PBX1: variants seen among roughly 807,000 people sequenced by gnomAD.
The protein encoded by PBX1 is pre-B-cell leukemia transcription factor 1.
Under a neutral mutation model 53.4 loss-of-function variants are expected in PBX1, and 6 were observed. The ratio of observed to expected loss-of-function variants is 0.11; its 90% confidence interval spans 0.06 to 0.22. The LOEUF is 0.22. Ranked by LOEUF, PBX1 falls within the 10% of genes least tolerant of loss-of-function variation. PBX1 has a pLI of 1.00. For missense variants in PBX1, 251 were observed against 551.4 expected, an observed-to-expected ratio of 0.46 and a Z score of 5.46; for synonymous variants, 204 against 212.3, an observed-to-expected ratio of 0.96 and a Z score of 0.34.
At chr1:164,613,068 C>T (rs1657041537) in intron 2 of PBX1, among the ~76,000 whole-genome samples, 1 of 152,218 alleles carries the variant, frequency 6.6e-6, no homozygotes, top group South Asian at 2.1e-4. Context: ...CAAAAAAACC[C>T]TTCTAGAAAT....
chr1:164,740,305 A>C (rs983731471), intron 2 of PBX1, among the ~76,000 whole-genome samples: 2 of 152,164 alleles, frequency 1.3e-5, no homozygotes, highest in Admixed American at 1.3e-4. Flanking sequence ...GATGCCATAT[A>C]CTTTATACGT....
At chr1:164,667,683 G>A (rs60695410) in intron 2 of PBX1, among the ~76,000 whole-genome samples, 1,915 of 152,266 alleles carry the variant, frequency 0.013, 34 homozygotes, top group African/African-American at 0.044. Context: ...CAAATCTACA[G>A]GATGTAATCA....
chr1:164,616,303 C>A (rs1471051990), intron 2 of PBX1, among the ~76,000 whole-genome samples: 1 of 152,086 alleles, frequency 6.6e-6, no homozygotes, highest in Non-Finnish European at 1.5e-5. Flanking sequence ...CTTCTGCTGC[C>A]CTCTCAGCCC....
chr1:164,667,623 T>G (rs933719017), intron 2 of PBX1, among the ~76,000 whole-genome samples: 4 of 152,194 alleles, frequency 2.6e-5, no homozygotes, highest in Non-Finnish European at 5.9e-5. Context: ...AGTAGATCAT[T>G]GGCATTCAAA....
At chr1:164,567,358 T>A (rs1653506892) in intron 2 of PBX1, among the ~76,000 whole-genome samples, 1 of 152,006 alleles carries the variant, frequency 6.6e-6, no homozygotes. Context: ...GTGGTAGGAG[T>A]CATTTTTGTA....
Position 164,691,806 on chromosome 1 carries a change from G to C in PBX1, c.266-100688G>C, listed in dbSNP as rs759370740. ...CCCCAATCTGGAAATCTGAAAACCA[G>C]AATGCTCCCAAATCTGAGAATTTTT... is the stretch of plus-strand genomic sequence containing the variant. On this transcript the variant is annotated intron_variant, in intron 2 of 8. Coordinates refer to ENST00000420696, the MANE Select transcript of PBX1 (RefSeq NM_002585.4). 4.8e-4 allele frequency among the ~76,000 whole-genome samples: 73 copies of C among 152,152 alleles called. 1 individual carries two copies. Among genetic ancestry groups the C allele is most frequent in the South Asian group, 1.5e-3 (7 of 4,824 alleles).
intron 5 of PBX1, among the ~76,000 whole-genome samples, chr1:164,811,679 G>A (rs917298274): frequency 7.9e-5 from 12 of 152,218 alleles, no homozygotes; most frequent in African/African-American, 2.4e-4. Context: ...CATAACTGAA[G>A]ATGTAAGCAA....
At chr1:164,872,676 C>T (rs1672410064) in intron 2 of PBX1, among the ~76,000 whole-genome samples, 1 of 152,224 alleles carries the variant, frequency 6.6e-6, no homozygotes, top group Non-Finnish European at 1.5e-5. Flanking sequence ...GCAGCCACCA[C>T]ACACCATTGG....
At chr1:164,875,225 C>T (rs1392232166) in intron 2 of PBX1, among the ~76,000 whole-genome samples, 2 of 152,156 alleles carry the variant, frequency 1.3e-5, no homozygotes, top group Non-Finnish European at 2.9e-5. Context: ...GCAAAGGAAG[C>T]ACGACTGGGC....
intron 2 of PBX1, among the ~76,000 whole-genome samples, chr1:164,766,374 T>G (rs1284004966): frequency 6.6e-6 from 1 of 152,226 alleles, no homozygotes; most frequent in Non-Finnish European, 1.5e-5. Context: ...CTTTATTTTC[T>G]TATTTCTATT....
intron 2 of PBX1, among the ~76,000 whole-genome samples, chr1:164,721,303 C>T (rs1249825196): frequency 6.6e-6 from 1 of 151,994 alleles, no homozygotes. Context: ...TTGACTGCTG[C>T]ATATGAACCT....
intron 2 of PBX1, among the ~76,000 whole-genome samples, chr1:164,668,858 C>T (rs1660962811): frequency 1.3e-5 from 2 of 152,174 alleles, no homozygotes; most frequent in African/African-American, 4.8e-5. Flanking sequence ...TTTGCGGAAT[C>T]TGCGGAGTAA....
chr1:164,837,277 A>G (rs1671087236), intron 8 of PBX1, among the ~76,000 whole-genome samples: 1 of 152,200 alleles, frequency 6.6e-6, no homozygotes, highest in Admixed American at 6.5e-5. Flanking sequence ...ATAAAAATGA[A>G]ATGACGAATT....
intron 2 of PBX1, among the ~76,000 whole-genome samples, chr1:164,877,821 C>A (rs1672553728): frequency 6.6e-6 from 1 of 152,162 alleles, no homozygotes; most frequent in South Asian, 2.1e-4. Context: ...ATCACCACAA[C>A]CAAGATAATG....
intron 6 of PBX1, chr1:164,819,429 A>G (rs1434574846): frequency 6.6e-6 from 1 of 152,160 alleles, no homozygotes; most frequent in African/African-American, 2.4e-5. Context: ...AGAAGGGTAG[A>G]TCACTCCCAC....
chr1:164,885,591 C>G (rs1672758610), intron 2 of PBX1, among the ~76,000 whole-genome samples: 1 of 152,188 alleles, frequency 6.6e-6, no homozygotes. Context: ...TAACATCAAG[C>G]AGACCTGAGT....
intron 2 of PBX1, among the ~76,000 whole-genome samples, chr1:164,748,556 C>A (rs1433557876): frequency 6.6e-6 from 1 of 152,110 alleles, no homozygotes; most frequent in East Asian, 1.9e-4. Flanking sequence ...CAGAAAAGAG[C>A]AGATTCTTTC....
At chr1:164,855,800 A>G (rs903804088), downstream of PBX1, among the ~76,000 whole-genome samples, 1 of 152,204 alleles carries the variant, frequency 6.6e-6, no homozygotes, top group African/African-American at 2.4e-5. Flanking sequence ...TCTGCTTCCT[A>G]TATCCTGAGG....
intron 2 of PBX1, among the ~76,000 whole-genome samples, chr1:164,655,783 C>G (rs903116434): frequency 6.6e-6 from 1 of 152,162 alleles, no homozygotes; most frequent in African/African-American, 2.4e-5. Context: ...TGTAGCCTCC[C>G]TAAATCTCAG....
Sources: allele counts gnomAD v4.1 joint callset (sites outside exome capture counted in the v4.1 genomes callset), GRCh38; gene constraint gnomAD v4.1.1; transcripts MANE v1.5; gene names NCBI Gene and HGNC (gene_info 2026-07-23, HGNC 2026-07-21).